Variants in EXOC4 observed in about 807,000 individuals in gnomAD.
EXOC4 encodes the protein SEC8-like 1.
EXOC4 carries 71 observed loss-of-function variants against 107.2 expected under a neutral mutation model. The observed-to-expected ratio is 0.66, with a 90% CI of 0.55 to 0.81. EXOC4 has a LOEUF of 0.81. Ranked by LOEUF, EXOC4 falls within the 30% of genes least tolerant of loss-of-function variation. The pLI is 0.00. For synonymous variants in EXOC4, 456 were observed against 441.2 expected (o/e 1.03, Z -0.42); for missense variants, 1,108 against 1,189.6 (o/e 0.93, Z 1.01).
At chr7:134,069,309 TTTCTTCCTTCTCC>T (rs1796237212), downstream of EXOC4, among the ~76,000 whole-genome samples, 1 of 131,382 alleles carries the variant, frequency 7.6e-6, no homozygotes. Context: ...CTCCTCCTCC[TTTCTTCCTTCTCC>T]CCCTCCTTCT....
chr7:133,782,921 A>T (rs1472683099), intron 10 of EXOC4, among the ~76,000 whole-genome samples: 1 of 152,210 alleles, frequency 6.6e-6, no homozygotes, highest in Non-Finnish European at 1.5e-5. Context: ...GCCATTGGAA[A>T]GCAGGGTGTC....
Position 133,591,279 on chromosome 7 carries a change from A to T in EXOC4, c.1418-38766A>T, listed in dbSNP as rs2432638. On this transcript the variant is annotated intron_variant, in intron 9 of 17. Coordinates refer to ENST00000253861, the MANE Select transcript of EXOC4 (RefSeq NM_021807.4). The stretch of plus-strand genomic sequence containing the variant: ...ACTCCTGGACTCAAACTGTCTTCCC[A>T]CTTCAGCCTCCCAAAGTGCTGCTGA... 5.6e-3 allele frequency among the ~76,000 whole-genome samples: 847 copies of T among 152,066 alleles called. 5 individuals are homozygous for T. Among genetic ancestry groups the T allele is most frequent in the Non-Finnish European group, 7.7e-3 (526 of 67,990 alleles).
chr7:133,709,650 T>C (rs956799832), intron 10 of EXOC4, among the ~76,000 whole-genome samples: 1 of 58,798 alleles, frequency 1.7e-5, no homozygotes, highest in African/African-American at 3.8e-5. Context: ...GTTTTCTTTT[T>C]TTTTTTTTTT....
At chr7:133,905,885 G>A (rs969454690) in intron 12 of EXOC4, among the ~76,000 whole-genome samples, 10 of 152,082 alleles carry the variant, frequency 6.6e-5, no homozygotes, top group African/African-American at 1.7e-4. Context: ...GAGCTGGCAC[G>A]GGGCTAGGCA....
intron 6 of EXOC4, among the ~76,000 whole-genome samples, chr7:133,370,658 A>C (rs888419205): frequency 1.3e-5 from 2 of 152,232 alleles, no homozygotes; most frequent in African/African-American, 2.4e-5. Flanking sequence ...GCAGGTTTGC[A>C]CTAAGCAGTT....
chr7:134,030,673 C>A (rs549301594), intron 17 of EXOC4, among the ~76,000 whole-genome samples: 34 of 148,782 alleles, frequency 2.3e-4, no homozygotes, highest in African/African-American at 8.0e-4. Flanking sequence ...CCGCACCCCC[C>A]CTCTGCCCCC....
intron 14 of EXOC4, among the ~76,000 whole-genome samples, chr7:133,983,961 GT>G (rs753989520): frequency 6.6e-6 from 1 of 152,096 alleles, no homozygotes; most frequent in Admixed American, 6.6e-5. Flanking sequence ...CAAATGATGA[GT>G]TTTTTTACCA....
At chr7:133,925,995 C>T (rs1251073288) in intron 13 of EXOC4, among the ~76,000 whole-genome samples, 4 of 147,840 alleles carry the variant, frequency 2.7e-5, no homozygotes, top group Admixed American at 6.8e-5. Flanking sequence ...GCCGAGATTG[C>T]GCCACTGACT....
At chr7:133,325,773 G>A (rs1468731802) in intron 5 of EXOC4, among the ~76,000 whole-genome samples, 1 of 152,138 alleles carries the variant, frequency 6.6e-6, no homozygotes, top group Non-Finnish European at 1.5e-5. Context: ...TGCTAGGTTG[G>A]GGAAGTTCTC....
intron 5 of EXOC4, among the ~76,000 whole-genome samples, chr7:133,330,725 G>C (rs1222718102): frequency 6.6e-6 from 1 of 152,012 alleles, no homozygotes; most frequent in African/African-American, 2.4e-5. Flanking sequence ...AATTCCTTGT[G>C]CTTCCTGGGT....
chr7:133,430,137 CAGCGGGATGGGG>C (rs1051362825), intron 7 of EXOC4, among the ~76,000 whole-genome samples: 82 of 152,288 alleles, frequency 5.4e-4, no homozygotes, highest in African/African-American at 1.9e-3. Flanking sequence ...AAGTGGCTGT[CAGCGGGATGGGG>C]AGCTGGAAAG....
At chr7:133,982,991 G>C (rs984080181) in intron 14 of EXOC4, among the ~76,000 whole-genome samples, 1 of 152,226 alleles carries the variant, frequency 6.6e-6, no homozygotes, top group Non-Finnish European at 1.5e-5. Context: ...TGAGTAATTT[G>C]TAAGAAAACA....
At chr7:133,977,832 A>G (rs1793879304) in intron 14 of EXOC4, among the ~76,000 whole-genome samples, 1 of 152,078 alleles carries the variant, frequency 6.6e-6, no homozygotes, top group South Asian at 2.1e-4. Context: ...TGAATTGGGT[A>G]ACAAATCAAA....
At chr7:133,655,858 C>T (rs145833889) in intron 10 of EXOC4, among the ~76,000 whole-genome samples, 162 of 152,326 alleles carry the variant, frequency 1.1e-3, no homozygotes, top group African/African-American at 3.7e-3. Flanking sequence ...ATGGTAAATA[C>T]GTAAACCAGT....
chr7:133,986,810 A>T (rs1441301790), intron 14 of EXOC4, among the ~76,000 whole-genome samples: 1 of 152,192 alleles, frequency 6.6e-6, no homozygotes, highest in Admixed American at 6.5e-5. Flanking sequence ...CTGGGGGTAG[A>T]ATTAGCTGGC....
At chr7:133,453,850 CTT>C (rs1798404322) in intron 7 of EXOC4, among the ~76,000 whole-genome samples, 1 of 152,030 alleles carries the variant, frequency 6.6e-6, no homozygotes, top group South Asian at 2.1e-4. Context: ...AAGTGCATAA[CTT>C]TATTGTGACA....
chr7:133,890,422 G>C (rs982664280), intron 11 of EXOC4, among the ~76,000 whole-genome samples: 1 of 81,692 alleles, frequency 1.2e-5, no homozygotes, highest in Non-Finnish European at 2.1e-5. Context: ...AAGCTCTTGA[G>C]TTTAATTAGA....
At chr7:133,359,059 A>G (rs531619921) in intron 6 of EXOC4, among the ~76,000 whole-genome samples, 9 of 152,232 alleles carry the variant, frequency 5.9e-5, no homozygotes, top group Non-Finnish European at 1.0e-4. Context: ...TAAAACATAC[A>G]AATTCAAGAT....
intron 9 of EXOC4, among the ~76,000 whole-genome samples, chr7:133,600,645 A>C (rs1048371455): frequency 6.6e-6 from 1 of 152,186 alleles, no homozygotes; most frequent in Non-Finnish European, 1.5e-5. Context: ...CCAAGAATTC[A>C]TAATTCAGAA....
Sources: gnomAD v4.1 joint callset for allele counts (sites outside exome capture counted in the v4.1 genomes callset) on GRCh38, gnomAD v4.1.1 for gene constraint, MANE v1.5 for transcripts, NCBI Gene and HGNC (gene_info 2026-07-23, HGNC 2026-07-21) for gene names.